Variants in CUBN observed in about 807,000 individuals in gnomAD.
CUBN encodes 460 kDa receptor.
Under a neutral mutation model 405.3 loss-of-function variants are expected in CUBN, and 282 were observed. The observed-to-expected ratio is 0.70, with a 90% confidence interval of 0.63 to 0.77. CUBN has a LOEUF of 0.77. Among genes scored for constraint, CUBN ranks in the 30% least tolerant of loss-of-function variants. CUBN has a pLI of 0.00. For missense variants in CUBN, 4,514 were observed against 4,475.2 expected (o/e 1.01, Z -0.25); for synonymous variants, 1,684 against 1,617.0 (o/e 1.04, Z -0.99).
chr10:17,078,070 CCAT>C (rs748190105), intron 17 of CUBN, among the ~76,000 whole-genome samples: 1 of 151,898 alleles, frequency 6.6e-6, no homozygotes, highest in East Asian at 1.9e-4. Context: ...CTTCTCCTCC[CCAT>C]CATCATCATC....
At chr10:16,848,811 T>A (rs1426370629) in intron 60 of CUBN, among the ~76,000 whole-genome samples, 1 of 148,654 alleles carries the variant, frequency 6.7e-6, no homozygotes, top group Non-Finnish European at 1.5e-5. Context: ...AGGGGATCCT[T>A]CCACCTCAGT....
At chr10:16,948,824 A>T (rs1176677220) in intron 34 of CUBN, among the ~76,000 whole-genome samples, 1 of 152,190 alleles carries the variant, frequency 6.6e-6, no homozygotes, top group East Asian at 1.9e-4. Context: ...GTGATTTATA[A>T]ACATGATCAA....
rs548786024 is a variant in CUBN, at chr10:16,984,572, T to C, written c.4351-293A>G. Among the ~76,000 whole-genome samples the C allele has an allele frequency of 3.0e-4, 45 of 152,314 alleles. No homozygotes were observed. The South Asian group carries it at 7.2e-3, about 25-fold the overall frequency. On this transcript the variant is annotated intron_variant, in intron 29 of 66. Transcript: ENST00000377833. ...CCAGAATCTTCCCTATCTCCTCTTTTTGTCTTTTTCATGTCTTTGTGGGCT... is the reference window on the plus strand; with the variant it reads ...CCAGAATCTTCCCTATCTCCTCTTTCTGTCTTTTTCATGTCTTTGTGGGCT...
At chr10:16,860,622 G>T (rs1839986456) in intron 59 of CUBN, among the ~76,000 whole-genome samples, 1 of 152,124 alleles carries the variant, frequency 6.6e-6, no homozygotes, top group Admixed American at 6.5e-5. Flanking sequence ...ATTTTATTCT[G>T]CAAAGCACTG....
chr10:16,973,252 G>T (rs1832990807), intron 31 of CUBN, among the ~76,000 whole-genome samples: 1 of 152,106 alleles, frequency 6.6e-6, no homozygotes, highest in Non-Finnish European at 1.5e-5. Context: ...CCTCACTGCT[G>T]CATTTCTACT....
intron 28 of CUBN, among the ~76,000 whole-genome samples, chr10:17,017,342 G>T (rs186786126): frequency 6.6e-6 from 1 of 152,208 alleles, no homozygotes; most frequent in East Asian, 1.9e-4. Flanking sequence ...ACCCTTGCCT[G>T]TCCTCCTAGA....
rs1426645379 is a variant in CUBN, at chr10:17,080,872, A to G, written c.2301+3399T>C. Among the ~76,000 whole-genome samples, 3 of 152,214 alleles carry G rather than the reference A, an allele frequency of 2.0e-5. No individual in the cohort carries two copies. In the South Asian group the frequency reaches 6.2e-4, roughly 31 times the overall value. On this transcript the variant is annotated intron_variant, in intron 17 of 66. Transcript: ENST00000377833. ...CATCACCTTCATTGAACTATTCTAT[A>G]CAATTTAAAAGCTCTCTTCGACAAA...
rs1836163651 is a variant in CUBN at position 17,088,066 on chromosome 10, C to G, written c.1947+98G>C. On this transcript the variant is annotated intron_variant, in intron 15 of 66. Coordinates refer to ENST00000377833, the MANE Select transcript of CUBN (RefSeq NM_001081.4). ...GACTATTGAGAAACACACCTAACTA[C>G]AGCTAATATTTTGGGGTCATCCATG... The G allele has an allele frequency of 9.7e-5, 83 of 855,302 alleles. No homozygotes were observed. In the South Asian group the frequency reaches 1.2e-3, roughly 12 times the overall value. The allele number at this position is 855,302 out of a possible 1,614,324, so 53.0% of individuals were successfully genotyped here.
At chr10:16,989,510 TTA>T (rs1833519938) in intron 29 of CUBN, among the ~76,000 whole-genome samples, 1 of 148,286 alleles carries the variant, frequency 6.7e-6, no homozygotes, top group African/African-American at 2.5e-5. Context: ...ATATAGTACG[TTA>T]TATAATTATA....
chr10:17,026,932 A>G (rs1834683073), intron 27 of CUBN, among the ~76,000 whole-genome samples: 1 of 152,222 alleles, frequency 6.6e-6, no homozygotes, highest in African/African-American at 2.4e-5. Context: ...ATGAAATATC[A>G]TCTAAAAGTA....
chr10:16,841,056 A>G lies in CUBN; in HGVS notation c.9664-9T>C. The G allele has an allele frequency of 6.2e-7, 1 of 1,613,654 alleles. No homozygotes were observed. Among genetic ancestry groups the G allele is most frequent in the Non-Finnish European group, 8.5e-7 (1 of 1,179,678 alleles). On this transcript the variant is annotated splice_polypyrimidine_tract_variant and intron_variant, in intron 60 of 66. Coordinates refer to ENST00000377833, the MANE Select transcript of CUBN (RefSeq NM_001081.4). ...CTATCCCCATCATATAACTGAGAAG[A>G]AAAACAATTCATTACTTCTCCATTA...
intron 27 of CUBN, among the ~76,000 whole-genome samples, chr10:17,026,334 AAAGC>A (rs1260791947): frequency 6.6e-6 from 1 of 152,196 alleles, no homozygotes; most frequent in African/African-American, 2.4e-5. Context: ...TAGAAATTGC[AAAGC>A]AAGAATCACA....
chr10:16,941,060 T>C (rs1564436741), intron 36 of CUBN, among the ~76,000 whole-genome samples: 3 of 152,044 alleles, frequency 2.0e-5, no homozygotes, highest in Non-Finnish European at 2.9e-5. Flanking sequence ...ATCTAAAGAG[T>C]CTGGAACATG....
At chr10:17,061,579 T>C (rs1207150403) in intron 22 of CUBN, among the ~76,000 whole-genome samples, 1 of 152,200 alleles carries the variant, frequency 6.6e-6, no homozygotes, top group African/African-American at 2.4e-5. Flanking sequence ...ATGCCTCTTC[T>C]GAGCTCATTC....
At chr10:16,864,902 G>A (rs1205504471) in intron 59 of CUBN, among the ~76,000 whole-genome samples, 1 of 146,144 alleles carries the variant, frequency 6.8e-6, no homozygotes, top group African/African-American at 2.5e-5. Context: ...CACACACCTC[G>A]GCCTCCCAAA....
At chr10:17,067,409 C>T (rs1835634226) in intron 21 of CUBN, among the ~76,000 whole-genome samples, 1 of 151,972 alleles carries the variant, frequency 6.6e-6, no homozygotes, top group South Asian at 2.1e-4. Flanking sequence ...TTAGACATTG[C>T]ATAAGAAAAG....
chr10:16,984,197 G>GAGAC lies in CUBN; in HGVS notation c.4429_4432dup (p.Ser1478CysfsTer7). ...AATTGCTAGCTCATTTCCAGTGCTG[G>GAGAC]AGACCTGCATGGGGTTCTCAGGTGA... On this transcript the variant is annotated frameshift_variant, in exon 30 of 67. Transcript: ENST00000377833. LOFTEE classifies it high-confidence loss of function. 3.1e-6 allele frequency: 5 copies of GAGAC among 1,614,154 alleles called. No individual in the cohort carries two copies. The highest frequency in any genetic ancestry group is 4.2e-6 in the Non-Finnish European group (5 of 1,180,034).
At chr10:17,037,788 A>T (rs1834930620) in intron 27 of CUBN, among the ~76,000 whole-genome samples, 1 of 152,054 alleles carries the variant, frequency 6.6e-6, no homozygotes, top group African/African-American at 2.4e-5. Context: ...TTCAGTCTAC[A>T]CTCACTCTCC....
rs1173147394 is a variant in CUBN at position 16,906,185 on chromosome 10, T to C, written c.7912+18A>G. The C allele has an allele frequency of 1.3e-6, 2 of 1,561,564 alleles. No individual in the cohort carries two copies. Among genetic ancestry groups the C allele is most frequent in the Admixed American group, 3.3e-5 (2 of 59,950 alleles). ...TATTGTAGATAAATGGGAAAACGCA[T>C]TCTTAGATAGAACTCACCCACTCGA... On this transcript the variant is annotated intron_variant, in intron 50 of 66. Transcript: ENST00000377833.
Sources: allele counts gnomAD v4.1 joint callset (sites outside exome capture counted in the v4.1 genomes callset), GRCh38; gene constraint gnomAD v4.1.1; transcripts MANE v1.5; gene names NCBI Gene and HGNC (gene_info 2026-07-23, HGNC 2026-07-21).